BTRC: variants seen among roughly 807,000 people sequenced by gnomAD.
BTRC encodes beta-transducin repeat containing E3 ubiquitin protein ligase.
Under a neutral mutation model 85.5 loss-of-function variants are expected in BTRC, and 42 were observed. The observed-to-expected ratio is 0.49, with a 90% CI of 0.38 to 0.64. BTRC has a LOEUF of 0.64. Among genes scored for constraint, BTRC ranks in the 30% least tolerant of loss-of-function variants. The pLI is 0.00. For synonymous variants in BTRC, 255 were observed against 263.3 expected (o/e 0.97, Z 0.30); for missense variants, 594 against 743.5 (o/e 0.80, Z 2.34).
chr10:101,450,809 C>T (rs1396917913), intron 2 of BTRC, among the ~76,000 whole-genome samples: 1 of 152,130 alleles, frequency 6.6e-6, no homozygotes, highest in African/African-American at 2.4e-5. Context: ...TAGATAATAA[C>T]TGATCCTATC....
In BTRC at chr10:101,555,790, T is replaced by G. The variant is rs1294701718; in HGVS notation, c.*2667T>G. Reference sequence around the variant, plus strand: ...AGCTGAAGGTGTCCCCATTGTAGATTAGTCTCTTCTCACTAAAATTTACTT... The same window carrying G: ...AGCTGAAGGTGTCCCCATTGTAGATGAGTCTCTTCTCACTAAAATTTACTT... On this transcript the variant is annotated 3_prime_UTR_variant, in exon 15 of 15. Transcript: ENST00000370187. 1 of 152,368 alleles carries G rather than the reference T, an allele frequency of 6.6e-6. No individual in the cohort carries two copies. Among genetic ancestry groups the G allele is most frequent in the Admixed American group, 6.5e-5 (1 of 15,278 alleles). 9.4% of individuals were successfully genotyped at this position (152,368 alleles called of 1,614,324 possible).
At chr10:101,527,192 G>A (rs961824200) in intron 6 of BTRC, among the ~76,000 whole-genome samples, 1 of 152,108 alleles carries the variant, frequency 6.6e-6, no homozygotes, top group African/African-American at 2.4e-5. Context: ...TCATAAAGAG[G>A]AAAACAGTTA....
At chr10:101,472,923 C>G (rs180833403) in intron 3 of BTRC, among the ~76,000 whole-genome samples, 2 of 152,174 alleles carry the variant, frequency 1.3e-5, no homozygotes, top group East Asian at 3.9e-4. Flanking sequence ...TGTGATGGGC[C>G]TATATGTGTT....
Position 101,521,866 on chromosome 10 carries a change from G to A in BTRC, c.552G>A (p.Leu184=). The A allele has an allele frequency of 6.2e-7, 1 of 1,603,352 alleles. No homozygotes were observed. Among genetic ancestry groups the A allele is most frequent in the Non-Finnish European group, 8.5e-7 (1 of 1,170,346 alleles). ...PMLQRDFITA[L]PARGLDHIAE... is the part of the protein sequence containing the mutation. ...TGCAGAGAGATTTCATAACTGCTCT[G>A]CCAGGTATGTCTACAAGTGTTTGTA... Residue 184 remains leucine, a synonymous_variant, in exon 5 of 15, where the codon CTG becomes CTA. Coordinates refer to ENST00000370187, the MANE Select transcript of BTRC (RefSeq NM_033637.4).
chr10:101,522,160 CCTTCTGAGTAG>C (rs1454217398), intron 5 of BTRC, among the ~76,000 whole-genome samples: 1 of 147,982 alleles, frequency 6.8e-6, no homozygotes, highest in South Asian at 2.1e-4. Context: ...CCTGCCTCAG[CCTTCTGAGTAG>C]CTGGGACTAC....
chr10:101,469,093 C>A (rs1265653861), intron 3 of BTRC, among the ~76,000 whole-genome samples: 1 of 152,186 alleles, frequency 6.6e-6, no homozygotes, highest in Non-Finnish European at 1.5e-5. Flanking sequence ...TTAAAGTACT[C>A]CAACGCAAAA....
chr10:101,464,323 A>T (rs529156038), intron 3 of BTRC, among the ~76,000 whole-genome samples: 1 of 152,216 alleles, frequency 6.6e-6, no homozygotes, highest in African/African-American at 2.4e-5. Context: ...AATCATGCCT[A>T]TTAAGTCCAG....
chr10:101,413,027 C>T (rs1943824837), intron 1 of BTRC, among the ~76,000 whole-genome samples: 1 of 152,192 alleles, frequency 6.6e-6, no homozygotes, highest in South Asian at 2.1e-4. Flanking sequence ...GGAAAATTGA[C>T]ACTGTCACCA....
chr10:101,543,615 C>CTTTTTTTTTTTTTTTTTT (rs60958588), intron 13 of BTRC, among the ~76,000 whole-genome samples: 1 of 147,074 alleles, frequency 6.8e-6, no homozygotes. Flanking sequence ...TTTTCATGCT[C>CTTTTTTTTTTTTTTTTTT]TTTTTTTTTT....
intron 1 of BTRC, among the ~76,000 whole-genome samples, chr10:101,373,072 C>T (rs182568382): frequency 6.6e-6 from 1 of 152,082 alleles, no homozygotes; most frequent in Admixed American, 6.5e-5. Flanking sequence ...TAAATTATTC[C>T]TAGGAAGCAG....
chr10:101,459,518 T>C (rs1945166980), intron 2 of BTRC, among the ~76,000 whole-genome samples: 1 of 152,224 alleles, frequency 6.6e-6, no homozygotes, highest in Non-Finnish European at 1.5e-5. Context: ...ATTTGATTTC[T>C]CATGATGGAT....
Position 101,479,419 on chromosome 10 carries a change from G to T in BTRC, c.286G>T (p.Ala96Ser). 6.2e-7 allele frequency: 1 copy of T among 1,613,418 alleles called. No individual in the cohort carries two copies. The highest frequency in any genetic ancestry group is 8.5e-7 in the Non-Finnish European group (1 of 1,179,552). ...CTTAAACCAAGAAACAGTATGTTTAGCAAGCACTGCTATGAAGACTGAGAA... is the reference window on the plus strand; with the variant it reads ...CTTAAACCAAGAAACAGTATGTTTATCAAGCACTGCTATGAAGACTGAGAA... ...LCLNQETVCLASTAMKTENCV... is the reference protein window; with the variant it reads ...LCLNQETVCLSSTAMKTENCV... The change falls in exon 4 of 15, where the codon GCA becomes TCA. Residue 96 changes from alanine to serine, a missense_variant. Physicochemically the swap from Ala to Ser is moderately conservative, Grantham distance 99. Coordinates refer to ENST00000370187, the MANE Select transcript of BTRC (RefSeq NM_033637.4).
intron 4 of BTRC, among the ~76,000 whole-genome samples, chr10:101,512,304 C>A (rs977143608): frequency 6.6e-6 from 1 of 152,188 alleles, no homozygotes; most frequent in Non-Finnish European, 1.5e-5. Context: ...TTCTCAATGC[C>A]AGAGCCTTTC....
chr10:101,485,181 C>T (rs1257612979), intron 4 of BTRC, among the ~76,000 whole-genome samples: 2 of 151,492 alleles, frequency 1.3e-5, no homozygotes, highest in Non-Finnish European at 2.9e-5. Context: ...CATTTTCAAC[C>T]AAAAAGAGAC....
chr10:101,541,893 T>G lies in BTRC; in HGVS notation c.1656+3522T>G, dbSNP rs2062474789. Reference sequence around the variant, plus strand: ...GTGTTTGTAAGGGATATTGGTTTGTTGCTTTATTTTCTGTGTCTCTGGTTG... The same window carrying G: ...GTGTTTGTAAGGGATATTGGTTTGTGGCTTTATTTTCTGTGTCTCTGGTTG... On this transcript the variant is annotated intron_variant, in intron 13 of 14. Coordinates refer to ENST00000370187, the MANE Select transcript of BTRC (RefSeq NM_033637.4). Among the ~76,000 whole-genome samples the G allele has an allele frequency of 3.9e-5, 6 of 152,140 alleles. No homozygotes were observed. In the South Asian group the frequency reaches 1.2e-3, roughly 32 times the overall value.
At chr10:101,483,678 TG>T (rs1233020195) in intron 4 of BTRC, among the ~76,000 whole-genome samples, 2 of 152,090 alleles carry the variant, frequency 1.3e-5, no homozygotes, top group African/African-American at 4.8e-5. Flanking sequence ...GATACCTTTT[TG>T]TTTTTTTTCA....
intron 1 of BTRC, among the ~76,000 whole-genome samples, chr10:101,415,410 A>G (rs1306984907): frequency 6.6e-6 from 1 of 151,486 alleles, no homozygotes; most frequent in African/African-American, 2.4e-5. Flanking sequence ...TCCTGGACTC[A>G]AGGGATCTGC....
At chr10:101,400,897 G>A (rs553144839) in intron 1 of BTRC, among the ~76,000 whole-genome samples, 3 of 149,962 alleles carry the variant, frequency 2.0e-5, no homozygotes, top group Admixed American at 1.3e-4. Flanking sequence ...CCTTTTTTCC[G>A]TCCCCACTAT....
At chr10:101,506,100 G>T (rs1276134912) in intron 4 of BTRC, among the ~76,000 whole-genome samples, 3 of 152,112 alleles carry the variant, frequency 2.0e-5, no homozygotes, top group Non-Finnish European at 2.9e-5. Context: ...TTTTAGTAGA[G>T]ACGGGGTTTC....
Sources: allele counts gnomAD v4.1 joint callset (sites outside exome capture counted in the v4.1 genomes callset), GRCh38; gene constraint gnomAD v4.1.1; transcripts MANE v1.5; gene names NCBI Gene and HGNC (gene_info 2026-07-23, HGNC 2026-07-21).